Variants in RB1 observed in about 807,000 individuals in gnomAD.
The protein encoded by RB1 is RB transcriptional corepressor 1, also known as retinoblastoma-associated protein.
In RB1, 18 loss-of-function variants were observed where a neutral mutation model predicts 135.4. That is an observed-to-expected ratio of 0.13 (90% CI 0.09 to 0.20). RB1 has a LOEUF of 0.20. Among genes scored for constraint, RB1 ranks in the 10% least tolerant of loss-of-function variants. The probability of loss-of-function intolerance (pLI) is 1.00; values close to 1 mark genes in which losing one functional copy is unlikely to be tolerated. For missense variants in RB1, 868 were observed against 1,110.0 expected (o/e 0.78, Z 3.10); for synonymous variants, 365 against 373.2 (o/e 0.98, Z 0.25).
intron 17 of RB1, among the ~76,000 whole-genome samples, chr13:48,448,858 T>C (rs1949307384): frequency 1.3e-5 from 2 of 152,220 alleles, no homozygotes; most frequent in Admixed American, 6.5e-5. Flanking sequence ...TTTCAAGTAA[T>C]GAAACTGAGG....
chr13:48,317,357 C>T (rs1952194152), intron 2 of RB1: 1 of 384,866 alleles, frequency 2.6e-6, no homozygotes, highest in Non-Finnish European at 4.7e-6. Context: ...CGCCTCCACT[C>T]CGCATCTCTA....
intron 8 of RB1, among the ~76,000 whole-genome samples, chr13:48,364,232 G>A (rs552486595): frequency 4.6e-5 from 7 of 152,028 alleles, no homozygotes; most frequent in Admixed American, 2.6e-4. Flanking sequence ...GTAGCAAACC[G>A]TGTAGCCTAC....
rs529672430 is a variant in RB1 at position 48,474,101 on chromosome 13, G to A, written c.2520+711G>A. On this transcript the variant is annotated intron_variant, in intron 24 of 26. Transcript: ENST00000267163. ...CCTAGCACAGGGGCTTCTGTCCCTGGGGAGTTGGGGTGCACCACCTTCCTA... is the reference window on the plus strand; with the variant it reads ...CCTAGCACAGGGGCTTCTGTCCCTGAGGAGTTGGGGTGCACCACCTTCCTA... Among the ~76,000 whole-genome samples, 13 of 152,236 alleles carry A rather than the reference G, an allele frequency of 8.5e-5. No homozygotes were observed. In the South Asian group the frequency reaches 1.2e-3, roughly 15 times the overall value.
At position 48,476,739 on chromosome 13, in the gene RB1, T is replaced by C. The variant is rs148327780; in HGVS notation, c.2559T>C (p.Cys853=). The C allele has an allele frequency of 5.0e-6, 8 of 1,613,516 alleles. No individual in the cohort carries two copies. The Admixed American group carries it at 8.3e-5, about 17-fold the overall frequency. ...EKFQKINQMV[C]NSDRVLKRSA... ...TCCAGAAAATAAATCAGATGGTATG[T>C]AACAGCGACCGTGTGCTCAAAAGAA... is the stretch of plus-strand genomic sequence containing the variant. Residue 853 remains cysteine, a synonymous_variant, in exon 25 of 27, where the codon TGT becomes TGC. Coordinates refer to ENST00000267163, the MANE Select transcript of RB1 (RefSeq NM_000321.3).
intron 2 of RB1, among the ~76,000 whole-genome samples, chr13:48,309,997 T>G (rs1238190813): frequency 2.0e-5 from 3 of 152,186 alleles, no homozygotes; most frequent in Non-Finnish European, 4.4e-5. Context: ...AAATTATTTA[T>G]GGCTAGGTAC....
At chr13:48,463,710 T>A (rs745806058) in intron 20 of RB1, 21 bp from the exon 21 acceptor site, 1 of 1,349,018 alleles carries the variant, frequency 7.4e-7, no homozygotes, top group Admixed American at 1.7e-5. Flanking sequence ...CTGACTACTT[T>A]TACATCAATT....
chr13:48,361,846 G>A (rs557201635), intron 7 of RB1, among the ~76,000 whole-genome samples: 1 of 151,420 alleles, frequency 6.6e-6, no homozygotes, highest in South Asian at 2.1e-4. Context: ...CATATTCTGT[G>A]GTATAGTTTA....
chr13:48,366,204 G>A (rs1952696000), intron 9 of RB1, among the ~76,000 whole-genome samples: 1 of 152,050 alleles, frequency 6.6e-6, no homozygotes, highest in Non-Finnish European at 1.5e-5. Context: ...AAACTAGGCT[G>A]TTCATAACTT....
intron 21 of RB1, among the ~76,000 whole-genome samples, chr13:48,464,704 C>T (rs932301564): frequency 2.6e-5 from 4 of 152,140 alleles, no homozygotes; most frequent in Non-Finnish European, 4.4e-5. Flanking sequence ...CTCCTCTCTT[C>T]CCAGTCTATA....
At chr13:48,456,889 C>T (rs1260428873) in intron 19 of RB1, among the ~76,000 whole-genome samples, 1 of 152,234 alleles carries the variant, frequency 6.6e-6, no homozygotes, top group African/African-American at 2.4e-5. Context: ...AGCTTGGAGA[C>T]GCCAGAAACC....
At chr13:48,357,400 G>T (rs2854353) in intron 6 of RB1, among the ~76,000 whole-genome samples, 118,920 of 151,960 alleles carry the variant, frequency 0.78, 52,243 homozygotes, top group Non-Finnish European at 0.97. Flanking sequence ...AGCTTGTCTA[G>T]TTCCTTCCTT....
chr13:48,365,336 T>C (rs1256404532), intron 9 of RB1, among the ~76,000 whole-genome samples: 1 of 152,222 alleles, frequency 6.6e-6, no homozygotes. Flanking sequence ...GAACCATGAT[T>C]AATGCCATCA....
chr13:48,415,343 G>T (rs564031362), intron 17 of RB1, among the ~76,000 whole-genome samples: 1 of 149,180 alleles, frequency 6.7e-6, no homozygotes. Context: ...GCAGTGGTGC[G>T]ATCTTGTCTT....
At chr13:48,458,533 T>C (rs927211496) in intron 19 of RB1, among the ~76,000 whole-genome samples, 1 of 152,184 alleles carries the variant, frequency 6.6e-6, no homozygotes, top group Admixed American at 6.5e-5. Context: ...AGAATCCACA[T>C]CACCTGGAAA....
At chr13:48,363,940 A>G (rs1468820488) in intron 8 of RB1, among the ~76,000 whole-genome samples, 3 of 152,180 alleles carry the variant, frequency 2.0e-5, no homozygotes, top group Non-Finnish European at 2.9e-5. Flanking sequence ...ATTGTCCACA[A>G]TCACTAACAC....
At chr13:48,313,369 T>TG (rs1952148705) in intron 2 of RB1, among the ~76,000 whole-genome samples, 1 of 141,436 alleles carries the variant, frequency 7.1e-6, no homozygotes, top group South Asian at 2.3e-4. Flanking sequence ...TCCAGTTTTC[T>TG]ATTTTTTTTT....
chr13:48,473,836 T>C (rs945948717), intron 24 of RB1, among the ~76,000 whole-genome samples: 1 of 152,034 alleles, frequency 6.6e-6, no homozygotes, highest in Non-Finnish European at 1.5e-5. Flanking sequence ...CCCACAAAAA[T>C]GGTCTCACTG....
intron 17 of RB1, among the ~76,000 whole-genome samples, chr13:48,430,773 A>G (rs1319918470): frequency 6.6e-6 from 1 of 151,612 alleles, no homozygotes; most frequent in Non-Finnish European, 1.5e-5. Context: ...AACAAAAAAA[A>G]AAAACAGTAG....
chr13:48,415,903 CTT>C (rs1270002095), intron 17 of RB1: 2 of 152,110 alleles, frequency 1.3e-5, no homozygotes, highest in Admixed American at 1.3e-4. Context: ...AATTTAGAAA[CTT>C]TGAAAAATTC....
Sources: allele counts gnomAD v4.1 joint callset (sites outside exome capture counted in the v4.1 genomes callset), GRCh38; gene constraint gnomAD v4.1.1; transcripts MANE v1.5; gene names NCBI Gene and HGNC (gene_info 2026-07-23, HGNC 2026-07-21).